The following VPS41 variants were observed in gnomAD, a reference collection of about 807,000 sequenced individuals.
The protein encoded by VPS41 is VPS41 subunit of HOPS complex, also known as vacuolar protein sorting-associated protein 41 homolog.
A neutral mutation model predicts 130.9 loss-of-function variants in VPS41; 85 were observed. The observed-to-expected ratio is 0.65, with a 90% CI of 0.55 to 0.78. The LOEUF is 0.78. VPS41 is among the 30% of genes least tolerant of loss of function. The pLI is 0.00. For synonymous variants in VPS41, 335 were observed against 332.9 expected, an observed-to-expected ratio of 1.01 and a Z score of -0.07; for missense variants, 874 against 1,018.7, an observed-to-expected ratio of 0.86 and a Z score of 1.93.
chr7:38,762,585 T>C (rs1783944486), intron 17 of VPS41, among the ~76,000 whole-genome samples: 1 of 152,190 alleles, frequency 6.6e-6, no homozygotes, highest in Non-Finnish European at 1.5e-5. Flanking sequence ...GAAGTACAGT[T>C]TGTTTTTTGT....
chr7:38,739,586 A>C (rs1368139139), intron 25 of VPS41, among the ~76,000 whole-genome samples: 1 of 152,206 alleles, frequency 6.6e-6, no homozygotes, highest in African/African-American at 2.4e-5. Flanking sequence ...TGAGGGAAAA[A>C]TAATGCCTGG....
intron 7 of VPS41, among the ~76,000 whole-genome samples, chr7:38,809,352 T>A (rs1784897869): frequency 6.8e-6 from 1 of 146,734 alleles, no homozygotes; most frequent in African/African-American, 2.5e-5. Flanking sequence ...TATGTATATT[T>A]TATATATATA....
At chr7:38,837,553 C>T (rs1172682115) in intron 4 of VPS41, among the ~76,000 whole-genome samples, 1 of 152,176 alleles carries the variant, frequency 6.6e-6, no homozygotes, top group Non-Finnish European at 1.5e-5. Flanking sequence ...TAATAAAGCA[C>T]CATGAATATA....
At chr7:38,869,717 T>A (rs565000796) in intron 2 of VPS41, among the ~76,000 whole-genome samples, 2 of 152,270 alleles carry the variant, frequency 1.3e-5, no homozygotes, top group East Asian at 1.9e-4. Flanking sequence ...TGGAGAACTG[T>A]GATGGCATAA....
At chr7:38,826,770 C>T (rs1785288437) in intron 5 of VPS41, among the ~76,000 whole-genome samples, 1 of 152,122 alleles carries the variant, frequency 6.6e-6, no homozygotes, top group Non-Finnish European at 1.5e-5. Flanking sequence ...CCATCTGACA[C>T]TCTATGGCAT....
At chr7:38,881,682 C>T (rs936004852) in intron 2 of VPS41, among the ~76,000 whole-genome samples, 3 of 152,110 alleles carry the variant, frequency 2.0e-5, no homozygotes, top group African/African-American at 4.8e-5. Context: ...AACAATTCTC[C>T]GGTTGAGTCA....
rs77449993 is a variant in VPS41 at position 38,878,552 on chromosome 7, T to C, written c.61-9299A>G. Among the ~76,000 whole-genome samples, 1,305 of 152,234 alleles carry C rather than the reference T, an allele frequency of 8.6e-3. 21 individuals are homozygous for C. Among genetic ancestry groups the C allele is most frequent in the African/African-American group, 0.03 (1,246 of 41,538 alleles). On this transcript the variant is annotated intron_variant, in intron 2 of 28. Coordinates refer to ENST00000310301, the MANE Select transcript of VPS41 (RefSeq NM_014396.4). ...TGTAGAAATTTAAATGTAGAAAGTC[T>C]AAATATCATAAATCAAACCCCGCAT...
At chr7:38,748,220 C>T (rs530894829) in intron 22 of VPS41, among the ~76,000 whole-genome samples, 4 of 151,956 alleles carry the variant, frequency 2.6e-5, no homozygotes, top group East Asian at 1.9e-4. Flanking sequence ...CATGCGCGCG[C>T]GTGCGCGCAC....
chr7:38,756,986 G>T lies in VPS41; in HGVS notation c.1551-4C>A, dbSNP rs377493635. 2 of 1,580,688 alleles carry T rather than the reference G, an allele frequency of 1.3e-6. No individual in the cohort carries two copies. The highest frequency in any genetic ancestry group is 2.2e-5 in the East Asian group (1 of 44,452). The stretch of plus-strand genomic sequence containing the variant: ...ATAGTTCTTGTCATAGGTGTACCTG[G>T]TAATACAAATTTTTTACATTAATAT... On this transcript the variant is annotated splice_region_variant and splice_polypyrimidine_tract_variant and intron_variant, in intron 18 of 28. Coordinates refer to ENST00000310301, the MANE Select transcript of VPS41 (RefSeq NM_014396.4).
intron 6 of VPS41, among the ~76,000 whole-genome samples, chr7:38,818,468 A>T (rs1335168836): frequency 6.6e-6 from 1 of 152,000 alleles, no homozygotes; most frequent in East Asian, 1.9e-4. Flanking sequence ...TCTGCTTCCC[A>T]CTCATCCAAT....
intron 22 of VPS41, among the ~76,000 whole-genome samples, chr7:38,750,158 C>A (rs1282130640): frequency 6.6e-6 from 1 of 152,206 alleles, no homozygotes; most frequent in African/African-American, 2.4e-5. Context: ...TGGGCTACCA[C>A]ACCCAACCAG....
intron 17 of VPS41, among the ~76,000 whole-genome samples, chr7:38,760,705 T>C (rs970614912): frequency 1.3e-5 from 2 of 152,072 alleles, no homozygotes; most frequent in Non-Finnish European, 2.9e-5. Flanking sequence ...TCCCTAACCT[T>C]GGCAAAATAA....
intron 13 of VPS41, among the ~76,000 whole-genome samples, chr7:38,772,138 A>C (rs994143726): frequency 6.6e-6 from 1 of 152,222 alleles, no homozygotes; most frequent in Non-Finnish European, 1.5e-5. Flanking sequence ...CCAAACTGAT[A>C]GTTCAAACCA....
chr7:38,872,068 C>T (rs368860072), intron 2 of VPS41, among the ~76,000 whole-genome samples: 106 of 152,262 alleles, frequency 7.0e-4, no homozygotes, highest in African/African-American at 2.3e-3. Flanking sequence ...GGACTTCTCA[C>T]GGCGTTGCAG....
intron 7 of VPS41, among the ~76,000 whole-genome samples, chr7:38,814,373 C>T (rs557239029): frequency 3.9e-5 from 6 of 152,290 alleles, no homozygotes; most frequent in East Asian, 1.9e-4. Flanking sequence ...GAACACAGGC[C>T]GGGCGTGGTG....
chr7:38,789,894 T>G, intron 9 of VPS41, 27 bp from the exon 10 acceptor site: 1 of 1,612,156 alleles, frequency 6.2e-7, no homozygotes, highest in Non-Finnish European at 8.5e-7. Flanking sequence ...CAGGTTATTT[T>G]ATTCATTTGA....
intron 4 of VPS41, among the ~76,000 whole-genome samples, chr7:38,861,834 C>T (rs1421332660): frequency 1.3e-5 from 2 of 152,090 alleles, no homozygotes; most frequent in African/African-American, 4.8e-5. Context: ...TCAATAGTAC[C>T]TTCATCCTCA....
chr7:38,830,180 G>C (rs1257153834), intron 5 of VPS41, 74 bp downstream of exon 5: 2 of 901,468 alleles, frequency 2.2e-6, no homozygotes, highest in Admixed American at 1.7e-5. Context: ...CAGTTATATA[G>C]TAAGCAAGGT....
chr7:38,876,279 T>A (rs1472782467), intron 2 of VPS41, among the ~76,000 whole-genome samples: 2 of 152,226 alleles, frequency 1.3e-5, no homozygotes, highest in Non-Finnish European at 2.9e-5. Flanking sequence ...TACATTAAAA[T>A]CTGTTTTCAA....
Sources: allele counts gnomAD v4.1 joint callset (sites outside exome capture counted in the v4.1 genomes callset), GRCh38; gene constraint gnomAD v4.1.1; transcripts MANE v1.5; gene names NCBI Gene and HGNC (gene_info 2026-07-23, HGNC 2026-07-21).